Variants in PRCC observed in about 807,000 individuals in gnomAD.
The protein encoded by PRCC is proline rich mitotic checkpoint control factor, also known as proline-rich protein PRCC.
Under a neutral mutation model 44.0 loss-of-function variants are expected in PRCC, and 10 were observed. That is an observed-to-expected ratio of 0.23 (90% confidence interval 0.14 to 0.39). PRCC has a LOEUF of 0.39. Among genes scored for constraint, PRCC ranks in the 10% least tolerant of loss-of-function variants. PRCC has a pLI of 1.00. For synonymous variants in PRCC, 278 were observed against 259.5 expected (o/e 1.07, Z -0.69); for missense variants, 573 against 624.7 (o/e 0.92, Z 0.88).
At chr1:156,783,012 C>G (rs927728613) in intron 2 of PRCC, among the ~76,000 whole-genome samples, 2 of 152,112 alleles carry the variant, frequency 1.3e-5, no homozygotes, top group African/African-American at 4.8e-5. Flanking sequence ...TCAAGTGATT[C>G]TCCTGCCTTA....
At chr1:156,772,588 A>G (rs556916374) in intron 1 of PRCC, among the ~76,000 whole-genome samples, 6 of 152,340 alleles carry the variant, frequency 3.9e-5, no homozygotes, top group Admixed American at 2.6e-4. Context: ...AGAGTTTTCT[A>G]TCATTTATAA....
intron 1 of PRCC, among the ~76,000 whole-genome samples, chr1:156,769,975 A>G (rs1651568963): frequency 6.6e-6 from 1 of 152,186 alleles, no homozygotes; most frequent in Non-Finnish European, 1.5e-5. Context: ...CAAAAAAAAA[A>G]AGCCTTTTAT....
chr1:156,782,049 G>A (rs1652066429), intron 1 of PRCC, among the ~76,000 whole-genome samples: 1 of 152,172 alleles, frequency 6.6e-6, no homozygotes, highest in Non-Finnish European at 1.5e-5. Flanking sequence ...GAGAGGGCAG[G>A]GGAATTGAGT....
chr1:156,777,210 G>T (rs1163934792), intron 1 of PRCC, among the ~76,000 whole-genome samples: 2 of 152,082 alleles, frequency 1.3e-5, no homozygotes, highest in Non-Finnish European at 2.9e-5. Context: ...TGTCGTGTGG[G>T]ATCTAGTGAG....
chr1:156,800,431 C>T lies in PRCC; in HGVS notation c.1447C>T (p.Arg483Cys). Residue 483 changes from arginine to cysteine, a missense_variant, in exon 7 of 7, where the codon CGT becomes TGT. This residue lies in a region of PRCC where 69 missense variants were observed against 139.3 expected (regional missense o/e 0.50). Transcript: ENST00000271526. ...NTWSENKLSR[R>C]QTQAKYGF is the part of the protein sequence containing the mutation. ...CTGGTCAGAGAACAAGCTCAGCCGCCGTCAGACCCAAGCCAAATATGGATT... is the reference window on the plus strand; with the variant it reads ...CTGGTCAGAGAACAAGCTCAGCCGCTGTCAGACCCAAGCCAAATATGGATT... The T allele has an allele frequency of 2.5e-6, 4 of 1,614,168 alleles. No homozygotes were observed. Among genetic ancestry groups the T allele is most frequent in the Non-Finnish European group, 2.5e-6 (3 of 1,180,018 alleles).
intron 3 of PRCC, among the ~76,000 whole-genome samples, chr1:156,789,647 G>T (rs1652408557): frequency 6.6e-6 from 1 of 152,106 alleles, no homozygotes; most frequent in Non-Finnish European, 1.5e-5. Context: ...TAAATAAAGA[G>T]AATCCTGAGG....
chr1:156,776,963 T>G (rs1479525253), intron 1 of PRCC, among the ~76,000 whole-genome samples: 1 of 152,204 alleles, frequency 6.6e-6, no homozygotes, highest in Non-Finnish European at 1.5e-5. Context: ...CTTAAGTCTT[T>G]TCTTGGGTGA....
At chr1:156,774,893 G>A (rs1651763160) in intron 1 of PRCC, among the ~76,000 whole-genome samples, 1 of 149,862 alleles carries the variant, frequency 6.7e-6, no homozygotes, top group Non-Finnish European at 1.5e-5. Flanking sequence ...AGAGGTTGCA[G>A]TGAGCCAAGA....
At chr1:156,787,883 G>A (rs1652332005) in intron 3 of PRCC, among the ~76,000 whole-genome samples, 1 of 151,888 alleles carries the variant, frequency 6.6e-6, no homozygotes, top group African/African-American at 2.4e-5. Context: ...CCAGGCTGGA[G>A]TGCAGTGGCA....
chr1:156,800,541 G>A lies in PRCC; in HGVS notation c.*81G>A, dbSNP rs1652801404. ...CAGCTTCACCTCTGGGACCCCAGCT[G>A]CTCTAAGCCCAGGATCTCTTTCCCC... On this transcript the variant is annotated 3_prime_UTR_variant, in exon 7 of 7. Transcript: ENST00000271526. 1.8e-5 allele frequency: 25 copies of A among 1,405,182 alleles called. No individual in the cohort carries two copies. The South Asian group carries it at 2.5e-4, about 14-fold the overall frequency. The allele number at this position is 1,405,182 out of a possible 1,614,324, so 87.0% of individuals were successfully genotyped here.
At chr1:156,798,721 T>G (rs1229612921) in intron 6 of PRCC, among the ~76,000 whole-genome samples, 1 of 151,588 alleles carries the variant, frequency 6.6e-6, no homozygotes, top group African/African-American at 2.4e-5. Context: ...CCAGGCGTGG[T>G]GCCTGTAATT....
rs1320867614 is a variant in PRCC at position 156,786,723 on chromosome 1, G to T, written c.632G>T (p.Gly211Val). 2 of 1,614,108 alleles carry T rather than the reference G, an allele frequency of 1.2e-6. No homozygotes were observed. Among genetic ancestry groups the T allele is most frequent in the Non-Finnish European group, 1.7e-6 (2 of 1,180,020 alleles). ...PHAFSRKPSDGSPDTKPSRLA... is the reference protein window; with the variant it reads ...PHAFSRKPSDVSPDTKPSRLA... ...GCCTTCTCCCGCAAACCCTCGGATG[G>T]CTCCCCTGATACTAAGCCCTCCAGA... Residue 211 changes from glycine (G) to valine (V), a missense_variant, in exon 3 of 7, where the codon GGC becomes GTC. Around this residue, in one of 4 missense-constraint regions of PRCC, gnomAD observed 118 missense variants for 166.7 expected, o/e 0.71. Transcript: ENST00000271526.
intron 2 of PRCC, among the ~76,000 whole-genome samples, chr1:156,783,947 A>T (rs1011392772): frequency 8.3e-5 from 12 of 144,804 alleles, no homozygotes; most frequent in East Asian, 2.0e-4. Flanking sequence ...TATTTATTTA[A>T]TTTTTTTTTT....
intron 5 of PRCC, 126 bp downstream of exon 5, chr1:156,794,934 C>T: frequency 2.4e-6 from 3 of 1,274,902 alleles, no homozygotes; most frequent in South Asian, 1.4e-5. Flanking sequence ...CACATTTTGC[C>T]CATGGTACTG....
intron 6 of PRCC, among the ~76,000 whole-genome samples, chr1:156,798,808 C>T (rs1051865043): frequency 6.8e-6 from 1 of 146,668 alleles, no homozygotes; most frequent in Non-Finnish European, 1.5e-5. Context: ...GAGATCGCGC[C>T]ACTGCACTCC....
intron 2 of PRCC, among the ~76,000 whole-genome samples, chr1:156,785,962 C>A (rs1652231220): frequency 6.6e-6 from 1 of 152,050 alleles, no homozygotes; most frequent in African/African-American, 2.4e-5. Context: ...CAGGCACCCA[C>A]CACCATGCCT....
At chr1:156,770,366 G>T (rs1398555859) in intron 1 of PRCC, among the ~76,000 whole-genome samples, 3 of 152,170 alleles carry the variant, frequency 2.0e-5, no homozygotes, top group Non-Finnish European at 2.9e-5. Context: ...TCAGGTGAGG[G>T]TAACCTTTGT....
At chr1:156,778,418 T>C (rs1296543858) in intron 1 of PRCC, among the ~76,000 whole-genome samples, 1 of 152,182 alleles carries the variant, frequency 6.6e-6, no homozygotes, top group African/African-American at 2.4e-5. Context: ...ACGTTTTCTT[T>C]ATCCATTCAT....
At chr1:156,771,346 C>A (rs889165265) in intron 1 of PRCC, among the ~76,000 whole-genome samples, 2 of 152,056 alleles carry the variant, frequency 1.3e-5, no homozygotes, top group Non-Finnish European at 2.9e-5. Context: ...TGTGAAGACC[C>A]CTTAAAGGCA....
Sources: gnomAD v4.1 joint callset for allele counts (sites outside exome capture counted in the v4.1 genomes callset) on GRCh38, gnomAD v4.1.1 for gene constraint, gnomAD v4.1.1 regional missense constraint, MANE v1.5 for transcripts, NCBI Gene and HGNC (gene_info 2026-07-23, HGNC 2026-07-21) for gene names.